CNTNAP2: variants seen among roughly 807,000 people sequenced by gnomAD.
CNTNAP2 encodes contactin-associated protein-like 2.
A neutral mutation model predicts 155.2 loss-of-function variants in CNTNAP2; 98 were observed. The ratio of observed to expected loss-of-function variants is 0.63; its 90% CI spans 0.54 to 0.75. The LOEUF is 0.75. CNTNAP2 is among the 30% of genes least tolerant of loss of function. The pLI, the probability that CNTNAP2 is intolerant of heterozygous loss-of-function variation, is 0.00. For missense variants in CNTNAP2, 1,727 were observed against 1,688.1 expected (o/e 1.02, Z -0.40); for synonymous variants, 651 against 631.2 (o/e 1.03, Z -0.47).
intron 1 of CNTNAP2, chr7:146,311,822 A>T (rs997456658): frequency 1.1e-4 from 16 of 150,480 alleles, no homozygotes; most frequent in Admixed American, 3.3e-4. Context: ...TAACTAGAAA[A>T]ATATATATAT....
intron 1 of CNTNAP2, among the ~76,000 whole-genome samples, chr7:146,649,821 T>C (rs1035726577): frequency 2.0e-5 from 3 of 152,032 alleles, no homozygotes; most frequent in African/African-American, 7.2e-5. Flanking sequence ...TCCCAAACCA[T>C]AGTCTTAAAC....
intron 13 of CNTNAP2, among the ~76,000 whole-genome samples, chr7:147,850,972 A>AGAGT (rs1798927084): frequency 6.6e-6 from 1 of 152,252 alleles, no homozygotes; most frequent in Non-Finnish European, 1.5e-5. Flanking sequence ...AACTACCAGC[A>AGAGT]GAGTGAACAG....
intron 8 of CNTNAP2, among the ~76,000 whole-genome samples, chr7:147,154,328 G>A (rs187003253): frequency 6.6e-6 from 1 of 152,070 alleles, no homozygotes; most frequent in African/African-American, 2.4e-5. Flanking sequence ...GGGAAATTTA[G>A]GATGATTATT....
At chr7:148,386,161 T>TA (rs1385977093) in intron 22 of CNTNAP2, among the ~76,000 whole-genome samples, 2 of 152,196 alleles carry the variant, frequency 1.3e-5, no homozygotes, top group African/African-American at 2.4e-5. Flanking sequence ...AATTTCCACT[T>TA]ACACTTGGAG....
intron 1 of CNTNAP2, among the ~76,000 whole-genome samples, chr7:146,182,798 C>G (rs1798567219): frequency 6.6e-6 from 1 of 152,170 alleles, no homozygotes; most frequent in Non-Finnish European, 1.5e-5. Context: ...CCTCACTGTT[C>G]CCTTGCTAAC....
chr7:147,870,866 T>C (rs1201895347), intron 13 of CNTNAP2, among the ~76,000 whole-genome samples: 17 of 152,064 alleles, frequency 1.1e-4, no homozygotes, highest in Admixed American at 6.6e-5. Context: ...AATTCTGGCT[T>C]ACCTCCGTGG....
intron 1 of CNTNAP2, among the ~76,000 whole-genome samples, chr7:146,590,252 T>C (rs1229280224): frequency 3.3e-5 from 5 of 152,220 alleles, no homozygotes; most frequent in African/African-American, 1.2e-4. Flanking sequence ...AGCTGACTTC[T>C]ATTTTTCATT....
intron 1 of CNTNAP2, among the ~76,000 whole-genome samples, chr7:146,385,804 G>A (rs1256993631): frequency 6.6e-6 from 1 of 152,134 alleles, no homozygotes; most frequent in Non-Finnish European, 1.5e-5. Context: ...TTACAGTAAT[G>A]GGTTGTTAAC....
intron 3 of CNTNAP2, among the ~76,000 whole-genome samples, chr7:147,037,403 C>T (rs1341563817): frequency 6.6e-6 from 1 of 150,394 alleles, no homozygotes; most frequent in Non-Finnish European, 1.5e-5. Flanking sequence ...GTTACTTTGT[C>T]CCAAGTTTGT....
intron 1 of CNTNAP2, among the ~76,000 whole-genome samples, chr7:146,603,622 C>T (rs1211748083): frequency 1.3e-5 from 2 of 150,878 alleles, no homozygotes. Flanking sequence ...CAAGTCAACC[C>T]TAAGCCAAAA....
intron 10 of CNTNAP2, among the ~76,000 whole-genome samples, chr7:147,396,262 C>CA (rs1796815155): frequency 6.6e-6 from 1 of 150,992 alleles, no homozygotes; most frequent in African/African-American, 2.4e-5. Context: ...TCTGAGCCTT[C>CA]AATAAGTAGT....
chr7:147,555,312 T>C (rs1799931568), intron 11 of CNTNAP2, among the ~76,000 whole-genome samples: 1 of 152,292 alleles, frequency 6.6e-6, no homozygotes, highest in South Asian at 2.1e-4. Flanking sequence ...ATATCGCCGC[T>C]ATGCCTACGT....
intron 1 of CNTNAP2, among the ~76,000 whole-genome samples, chr7:146,144,746 G>A (rs1797933391): frequency 6.6e-6 from 1 of 152,132 alleles, no homozygotes; most frequent in Non-Finnish European, 1.5e-5. Context: ...TATTTGTTGT[G>A]TTGTTTCTTC....
At chr7:146,467,879 C>T (rs187112664) in intron 1 of CNTNAP2, among the ~76,000 whole-genome samples, 7 of 152,082 alleles carry the variant, frequency 4.6e-5, no homozygotes, top group Admixed American at 3.3e-4. Flanking sequence ...AGTGTGAGAG[C>T]AATATTGTTC....
intron 21 of CNTNAP2, among the ~76,000 whole-genome samples, chr7:148,341,751 A>G (rs189348742): frequency 7.7e-4 from 117 of 152,342 alleles, no homozygotes; most frequent in Middle Eastern, 3.4e-3. Context: ...ATGTTCTCTC[A>G]CTAGTGAAAG....
In CNTNAP2 at chr7:146,560,993, C is replaced by T. The variant is rs1375549448; in HGVS notation, c.98-213278C>T. Reference sequence around the variant, plus strand: ...TCATTACATAAGGAATTCAGTGAAACCTTCCTTAAGCTCACAACTCTAGTG... The same window carrying T: ...TCATTACATAAGGAATTCAGTGAAATCTTCCTTAAGCTCACAACTCTAGTG... On this transcript the variant is annotated intron_variant, in intron 1 of 23. Coordinates refer to ENST00000361727, the MANE Select transcript of CNTNAP2 (RefSeq NM_014141.6). Among the ~76,000 whole-genome samples, 3 of 152,118 alleles carry T rather than the reference C, an allele frequency of 2.0e-5. No homozygotes were observed. The South Asian group carries it at 6.2e-4, about 32-fold the overall frequency.
chr7:147,120,287 A>G (rs1216799608), intron 5 of CNTNAP2, among the ~76,000 whole-genome samples: 1 of 152,162 alleles, frequency 6.6e-6, no homozygotes, highest in African/African-American at 2.4e-5. Flanking sequence ...TGCCTGTACT[A>G]ACTCATTGAA....
intron 13 of CNTNAP2, among the ~76,000 whole-genome samples, chr7:147,644,219 T>C (rs530399601): frequency 1.3e-5 from 2 of 152,368 alleles, no homozygotes; most frequent in African/African-American, 4.8e-5. Flanking sequence ...AATGGATGTC[T>C]ACATGATTTA....
intron 18 of CNTNAP2, among the ~76,000 whole-genome samples, chr7:148,206,238 A>G (rs1046777099): frequency 6.1e-5 from 9 of 147,800 alleles, no homozygotes; most frequent in African/African-American, 1.7e-4. Flanking sequence ...CTAGATATGT[A>G]ACATTAAAAA....
Sources: gnomAD v4.1 joint callset for allele counts (sites outside exome capture counted in the v4.1 genomes callset) on GRCh38, gnomAD v4.1.1 for gene constraint, MANE v1.5 for transcripts, NCBI Gene and HGNC (gene_info 2026-07-23, HGNC 2026-07-21) for gene names.